SEC24D: variants seen among roughly 807,000 people sequenced by gnomAD.
The protein encoded by SEC24D is SEC24 homolog D, COPII component.
Under a neutral mutation model 116.9 loss-of-function variants are expected in SEC24D, and 69 were observed. That is an observed-to-expected ratio of 0.59 (90% CI 0.49 to 0.72). The LOEUF is 0.72. Among genes scored for constraint, SEC24D ranks in the 30% least tolerant of loss-of-function variants. The probability of loss-of-function intolerance (pLI) is 0.00; values close to 1 mark genes in which losing one functional copy is unlikely to be tolerated. For missense variants in SEC24D, 1,131 were observed against 1,264.1 expected (o/e 0.89, Z 1.60); for synonymous variants, 405 against 442.8 (o/e 0.91, Z 1.07).
chr4:118,813,675 A>T (rs2110522400), intron 6 of SEC24D, among the ~76,000 whole-genome samples: 1 of 152,352 alleles, frequency 6.6e-6, no homozygotes, highest in East Asian at 1.9e-4. Context: ...GCCACACTGG[A>T]GATTAAGTTT....
intron 8 of SEC24D, among the ~76,000 whole-genome samples, chr4:118,768,912 G>A (rs986685692): frequency 1.3e-5 from 2 of 152,192 alleles, no homozygotes; most frequent in South Asian, 2.1e-4. Context: ...AGAACATATA[G>A]TGATGGTAAT....
In SEC24D at chr4:118,824,743, A is replaced by G. The variant is rs10029206; in HGVS notation, c.125T>C (p.Met42Thr). The change falls in exon 3 of 23, where the codon ATG becomes ACG. Residue 42 changes from methionine to threonine, a missense_variant. Coordinates refer to ENST00000280551, the MANE Select transcript of SEC24D (RefSeq NM_014822.4). ...GGCCCCCAAAGGCCCTGCTGGCTTC[A>G]TCATACCTGCAAGAGAGGGGCATGA... ...PSHTASPTGM[M>T]KPAGPLGATA... 2.4e-3 allele frequency: 3,884 copies of G among 1,587,466 alleles called. 72 individuals are homozygous for G. The African/African-American group carries it at 0.045, about 19-fold the overall frequency.
At chr4:118,824,275 T>G (rs1475133184) in intron 3 of SEC24D, among the ~76,000 whole-genome samples, 3 of 152,132 alleles carry the variant, frequency 2.0e-5, no homozygotes, top group Non-Finnish European at 4.4e-5. Context: ...GCCTCTCCAG[T>G]AGCTAGGACT....
At chr4:118,814,959 C>G in intron 6 of SEC24D, 69 bp downstream of exon 6, 2 of 1,528,258 alleles carry the variant, frequency 1.3e-6, no homozygotes, top group Non-Finnish European at 1.8e-6. Context: ...TGCTAACAAA[C>G]TGATGAGTTG....
intron 15 of SEC24D, among the ~76,000 whole-genome samples, chr4:118,742,869 C>A (rs542173861): frequency 6.6e-6 from 1 of 152,298 alleles, no homozygotes; most frequent in Non-Finnish European, 1.5e-5. Flanking sequence ...GGGCACAGCC[C>A]AGCCTCTTCT....
intron 19 of SEC24D, chr4:118,735,690 CTTTTTTT>C (rs200391353): frequency 1.5e-5 from 2 of 130,228 alleles, no homozygotes; most frequent in Middle Eastern, 3.7e-3. Context: ...TTAAAGTTTG[CTTTTTTT>C]TTTTTTTTTT....
At chr4:118,830,628 T>C (rs1730807933) in intron 2 of SEC24D, among the ~76,000 whole-genome samples, 1 of 151,884 alleles carries the variant, frequency 6.6e-6, no homozygotes, top group Admixed American at 6.6e-5. Context: ...TATATAATTT[T>C]TTATTTGCCA....
chr4:118,759,593 C>A (rs550696695), intron 10 of SEC24D, among the ~76,000 whole-genome samples: 1 of 152,198 alleles, frequency 6.6e-6, no homozygotes, highest in Non-Finnish European at 1.5e-5. Context: ...AAATAAAAAT[C>A]CAGCTCTTAT....
intron 10 of SEC24D, 145 bp from the exon 11 acceptor site, chr4:118,757,990 G>A (rs1727193661): frequency 3.1e-6 from 2 of 642,120 alleles, no homozygotes; most frequent in Non-Finnish European, 5.0e-6. Context: ...CATTTTTCCA[G>A]AATATCTAGA....
intron 8 of SEC24D, among the ~76,000 whole-genome samples, chr4:118,781,717 A>G (rs1292031101): frequency 6.6e-6 from 1 of 152,230 alleles, no homozygotes; most frequent in East Asian, 1.9e-4. Context: ...TGTCATTTTC[A>G]GGTACACCAA....
chr4:118,819,535 A>G (rs1313159774), intron 3 of SEC24D, among the ~76,000 whole-genome samples: 1 of 139,124 alleles, frequency 7.2e-6, no homozygotes, highest in African/African-American at 3.3e-5. Context: ...CGTCTCAAAA[A>G]AAAAAAAAAA....
At chr4:118,746,264 G>T (rs1726530147) in intron 13 of SEC24D, among the ~76,000 whole-genome samples, 1 of 151,278 alleles carries the variant, frequency 6.6e-6, no homozygotes, top group African/African-American at 2.4e-5. Context: ...CATCCTGAAG[G>T]CTTTCTAGTA....
At chr4:118,766,277 T>A (rs1727639767) in intron 9 of SEC24D, among the ~76,000 whole-genome samples, 1 of 152,226 alleles carries the variant, frequency 6.6e-6, no homozygotes, top group South Asian at 2.1e-4. Flanking sequence ...TCTTCCTGCA[T>A]GTCTCTGACC....
At chr4:118,744,509 G>C (rs1485425042) in intron 14 of SEC24D, among the ~76,000 whole-genome samples, 3 of 152,222 alleles carry the variant, frequency 2.0e-5, no homozygotes, top group African/African-American at 7.2e-5. Flanking sequence ...TATATCCATA[G>C]CCTTATCCTT....
At chr4:118,779,752 A>G (rs1403468886) in intron 8 of SEC24D, among the ~76,000 whole-genome samples, 1 of 152,128 alleles carries the variant, frequency 6.6e-6, no homozygotes, top group African/African-American at 2.4e-5. Flanking sequence ...TTTGGTTGGT[A>G]GGCTATTGAT....
intron 3 of SEC24D, among the ~76,000 whole-genome samples, chr4:118,820,290 C>G (rs1373728103): frequency 6.6e-6 from 1 of 151,254 alleles, no homozygotes; most frequent in Non-Finnish European, 1.5e-5. Context: ...AAGTGATTCT[C>G]CTACCTCAGC....
chr4:118,784,746 C>A (rs563301360), intron 8 of SEC24D, among the ~76,000 whole-genome samples: 24 of 151,624 alleles, frequency 1.6e-4, no homozygotes, highest in South Asian at 6.3e-4. Context: ...CCTGCCCCCC[C>A]CCCCGCCACC....
At chr4:118,818,643 A>G (rs1730254133) in intron 3 of SEC24D, among the ~76,000 whole-genome samples, 1 of 152,214 alleles carries the variant, frequency 6.6e-6, no homozygotes, top group Admixed American at 6.5e-5. Flanking sequence ...TTTTCCACTC[A>G]TACCTCTGAA....
chr4:118,833,830 G>T, intron 1 of SEC24D, 93 bp from the exon 2 acceptor site: 1 of 615,872 alleles, frequency 1.6e-6, no homozygotes. Context: ...TGTTTATGAT[G>T]GTTTGAGGAA....
Sources: gnomAD v4.1 joint callset for allele counts (sites outside exome capture counted in the v4.1 genomes callset) on GRCh38, gnomAD v4.1.1 for gene constraint, MANE v1.5 for transcripts, NCBI Gene and HGNC (gene_info 2026-07-23, HGNC 2026-07-21) for gene names.